The following NEO1 variants were observed in gnomAD, a reference collection of about 807,000 sequenced individuals.
The protein encoded by NEO1 is neogenin 1.
Under a neutral mutation model 159.7 loss-of-function variants are expected in NEO1, and 63 were observed. That is an observed-to-expected ratio of 0.39 (90% CI 0.32 to 0.49). NEO1 has a LOEUF of 0.49. NEO1 is among the 20% of genes least tolerant of loss of function. NEO1 has a pLI of 0.85. For synonymous variants in NEO1, 633 were observed against 662.0 expected (o/e 0.96, Z 0.67); for missense variants, 1,615 against 1,831.0 (o/e 0.88, Z 2.15).
intron 7 of NEO1, among the ~76,000 whole-genome samples, chr15:73,212,529 A>T (rs2037638435): frequency 1.3e-5 from 2 of 152,162 alleles, no homozygotes; most frequent in South Asian, 2.1e-4. Context: ...TGGACCCAGA[A>T]ATGTATTCGA....
intron 7 of NEO1, among the ~76,000 whole-genome samples, chr15:73,222,633 G>C (rs1422950956): frequency 2.0e-5 from 3 of 151,564 alleles, no homozygotes; most frequent in Non-Finnish European, 2.9e-5. Context: ...AGATTTTTTG[G>C]ATTTTCTCTT....
At chr15:73,266,492 G>C (rs2040906069) in intron 16 of NEO1, 81 bp downstream of exon 16, 1 of 999,390 alleles carries the variant, frequency 1.0e-6, no homozygotes, top group Admixed American at 2.6e-5. Flanking sequence ...CTATCCCATA[G>C]GTGTTAGGGA....
At chr15:73,294,978 A>T (rs2042299848) in intron 26 of NEO1, among the ~76,000 whole-genome samples, 1 of 151,440 alleles carries the variant, frequency 6.6e-6, no homozygotes, top group African/African-American at 2.4e-5. Context: ...TTGAACTCAC[A>T]TCTAAATTTG....
At chr15:73,078,559 C>T (rs903311540) in intron 1 of NEO1, among the ~76,000 whole-genome samples, 1 of 152,208 alleles carries the variant, frequency 6.6e-6, no homozygotes, top group African/African-American at 2.4e-5. Flanking sequence ...AATAAGAGGT[C>T]TAACACACAG....
chr15:73,199,870 G>C (rs1369150936), intron 7 of NEO1, among the ~76,000 whole-genome samples: 4 of 152,070 alleles, frequency 2.6e-5, no homozygotes, highest in Non-Finnish European at 5.9e-5. Context: ...GTCTTCCGTG[G>C]CAAAAGGGGG....
intron 21 of NEO1, 88 bp downstream of exon 21, chr15:73,274,812 T>C (rs1010521470): frequency 3.3e-5 from 39 of 1,173,584 alleles, no homozygotes; most frequent in East Asian, 1.9e-4. Flanking sequence ...TTTTTTTTTT[T>C]CCTGAAAAAT....
Position 73,097,486 on chromosome 15 carries a change from A to G in NEO1, c.131-19054A>G, listed in dbSNP as rs562944848. Among the ~76,000 whole-genome samples the G allele has an allele frequency of 2.2e-3, 334 of 149,242 alleles. 4 individuals are homozygous for G. Among genetic ancestry groups the G allele is most frequent in the East Asian group, 3.6e-3 (18 of 4,984 alleles). ...AGCGATTCTGCTGGCTCAGCCTCCC[A>G]GGTAGCTGGGATTACAGGTGTGCGC... On this transcript the variant is annotated intron_variant, in intron 1 of 28. Transcript: ENST00000261908.
At chr15:73,069,192 G>A (rs911709942) in intron 1 of NEO1, among the ~76,000 whole-genome samples, 2 of 149,160 alleles carry the variant, frequency 1.3e-5, no homozygotes, top group Non-Finnish European at 3.0e-5. Context: ...AAACTCCTGG[G>A]CTTAAGCGAT....
At position 73,260,500 on chromosome 15, in the gene NEO1, G is replaced by T; in HGVS notation, c.2398+35G>T. ...CTAAGTAGAGAAAGTTAATTGTGTG[G>T]GAGATTCCTTTCTTTTTAACCTTTT... On this transcript the variant is annotated intron_variant, in intron 15 of 28. Transcript: ENST00000261908. The T allele has an allele frequency of 4.8e-6, 7 of 1,448,004 alleles. No individual in the cohort carries two copies. The South Asian group carries it at 6.4e-5, about 13-fold the overall frequency. 89.7% of individuals were successfully genotyped at this position (1,448,004 alleles called of 1,614,324 possible).
At chr15:73,073,899 A>G (rs977914180) in intron 1 of NEO1, among the ~76,000 whole-genome samples, 8 of 152,150 alleles carry the variant, frequency 5.3e-5, no homozygotes, top group Admixed American at 1.3e-4. Flanking sequence ...CAGTGAGCCC[A>G]TTGGAGATTG....
At chr15:73,156,051 G>GT (rs1482755798) in intron 5 of NEO1, among the ~76,000 whole-genome samples, 1 of 152,116 alleles carries the variant, frequency 6.6e-6, no homozygotes, top group Non-Finnish European at 1.5e-5. Flanking sequence ...CTTTACATTG[G>GT]TTTCTGTGCA....
At chr15:73,057,013 C>A (rs546908592) in intron 1 of NEO1, among the ~76,000 whole-genome samples, 1 of 152,094 alleles carries the variant, frequency 6.6e-6, no homozygotes, top group African/African-American at 2.4e-5. Context: ...AAAAGACATA[C>A]ATGAAGGCAG....
intron 15 of NEO1, among the ~76,000 whole-genome samples, chr15:73,262,366 C>CA (rs1397576911): frequency 6.6e-6 from 1 of 152,036 alleles, no homozygotes; most frequent in African/African-American, 2.4e-5. Flanking sequence ...AAATATCTGA[C>CA]AAAGAATTTG....
At chr15:73,174,858 A>G (rs1567388811) in intron 5 of NEO1, among the ~76,000 whole-genome samples, 1 of 152,248 alleles carries the variant, frequency 6.6e-6, no homozygotes, top group Non-Finnish European at 1.5e-5. Flanking sequence ...CAAATTTGCT[A>G]TTAATAGATT....
chr15:73,169,846 A>G (rs992153372), intron 5 of NEO1, among the ~76,000 whole-genome samples: 14 of 151,970 alleles, frequency 9.2e-5, no homozygotes, highest in African/African-American at 2.7e-4. Context: ...TATAATCTAA[A>G]TAAGAGGATT....
intron 23 of NEO1, among the ~76,000 whole-genome samples, chr15:73,286,412 A>G (rs1291296434): frequency 6.6e-6 from 1 of 151,500 alleles, no homozygotes; most frequent in Non-Finnish European, 1.5e-5. Context: ...GTTTTTTTTC[A>G]TAGGTCCTCC....
intron 13 of NEO1, among the ~76,000 whole-genome samples, chr15:73,257,906 T>C (rs1688376537): frequency 6.6e-6 from 1 of 152,194 alleles, no homozygotes; most frequent in Non-Finnish European, 1.5e-5. Context: ...AGGAGATAAA[T>C]TGACTTGGGC....
chr15:73,090,247 T>A (rs1006547619), intron 1 of NEO1, among the ~76,000 whole-genome samples: 2 of 152,142 alleles, frequency 1.3e-5, no homozygotes, highest in African/African-American at 2.4e-5. Context: ...CAGGTTGGAG[T>A]GCAGTAGCGC....
Position 73,249,263 on chromosome 15 carries a change from T to C in NEO1, c.1755+55T>C, listed in dbSNP as rs372954760. ...TGATTGGAATAGTAGAGTTGAAATATATTTCCAAAACTCAGTAGTTGCTTG... is the reference window on the plus strand; with the variant it reads ...TGATTGGAATAGTAGAGTTGAAATACATTTCCAAAACTCAGTAGTTGCTTG... On this transcript the variant is annotated intron_variant, in intron 10 of 28. Coordinates refer to ENST00000261908, the MANE Select transcript of NEO1 (RefSeq NM_002499.4). 1.7e-5 allele frequency: 27 copies of C among 1,576,326 alleles called. No homozygotes were observed. In the African/African-American group the frequency reaches 1.9e-4, roughly 11 times the overall value.
Sources: gnomAD v4.1 joint callset for allele counts (sites outside exome capture counted in the v4.1 genomes callset) on GRCh38, gnomAD v4.1.1 for gene constraint, MANE v1.5 for transcripts, NCBI Gene and HGNC (gene_info 2026-07-23, HGNC 2026-07-21) for gene names.